Variants in LTBP1 observed in about 807,000 individuals in gnomAD.
LTBP1 encodes the protein latent transforming growth factor beta binding protein 1, also known as latent-transforming growth factor beta-binding protein 1.
A neutral mutation model predicts 207.6 loss-of-function variants in LTBP1; 129 were observed. The ratio of observed to expected loss-of-function variants is 0.62; its 90% CI spans 0.54 to 0.72. The LOEUF is 0.72. Among genes scored for constraint, LTBP1 ranks in the 30% least tolerant of loss-of-function variants. The pLI is 0.00. For synonymous variants in LTBP1, 963 were observed against 833.7 expected (o/e 1.16, Z -2.67); for missense variants, 2,281 against 2,217.2 (o/e 1.03, Z -0.58).
chr2:33,338,158 G>A (rs2094574419), intron 24 of LTBP1, among the ~76,000 whole-genome samples: 1 of 152,294 alleles, frequency 6.6e-6, no homozygotes, highest in South Asian at 2.1e-4. Context: ...TTGCTGAAGA[G>A]CTAGTTTCCA....
chr2:33,133,191 C>T (rs988676971), intron 4 of LTBP1, among the ~76,000 whole-genome samples: 7 of 152,188 alleles, frequency 4.6e-5, no homozygotes, highest in Non-Finnish European at 4.4e-5. Context: ...TTCTTTGTTT[C>T]CAAGCTCAGC....
At chr2:33,320,321 G>A (rs114746168) in intron 24 of LTBP1, among the ~76,000 whole-genome samples, 9,036 of 150,582 alleles carry the variant, frequency 0.06, 878 homozygotes, top group African/African-American at 0.21. Context: ...GTGAGCCAAG[G>A]TCACACCACT....
chr2:33,032,080 T>G (rs35886155), intron 3 of LTBP1, among the ~76,000 whole-genome samples: 3 of 152,096 alleles, frequency 2.0e-5, no homozygotes, highest in Non-Finnish European at 4.4e-5. Context: ...AATAATTCCT[T>G]TGGATTCGGG....
At chr2:33,050,915 G>T (rs1485917720) in intron 3 of LTBP1, among the ~76,000 whole-genome samples, 2 of 151,984 alleles carry the variant, frequency 1.3e-5, no homozygotes, top group Non-Finnish European at 2.9e-5. Flanking sequence ...TATATTTTTA[G>T]TAGAGACAGG....
chr2:33,304,096 T>C (rs2094044063), intron 22 of LTBP1, among the ~76,000 whole-genome samples: 1 of 152,212 alleles, frequency 6.6e-6, no homozygotes, highest in African/African-American at 2.4e-5. Flanking sequence ...AAACAAAAGC[T>C]TTTAGCAAAC....
At chr2:33,140,738 G>A (rs1410438748) in intron 5 of LTBP1, among the ~76,000 whole-genome samples, 1 of 149,780 alleles carries the variant, frequency 6.7e-6, no homozygotes, top group African/African-American at 2.5e-5. Context: ...CGCCATCTCA[G>A]CTCACTGCAA....
chr2:33,040,621 G>A (rs779108360), intron 3 of LTBP1, among the ~76,000 whole-genome samples: 26 of 152,048 alleles, frequency 1.7e-4, no homozygotes, highest in Non-Finnish European at 3.2e-4. Flanking sequence ...CCCTCTTCCT[G>A]CTCCTTTTCT....
At chr2:33,374,351 C>A (rs1384139379) in intron 31 of LTBP1, among the ~76,000 whole-genome samples, 1 of 152,118 alleles carries the variant, frequency 6.6e-6, no homozygotes, top group Non-Finnish European at 1.5e-5. Flanking sequence ...CCTCCTTTAT[C>A]CAAAGTTGAG....
At chr2:33,373,336 A>G (rs2095093875) in intron 31 of LTBP1, among the ~76,000 whole-genome samples, 2 of 152,208 alleles carry the variant, frequency 1.3e-5, no homozygotes. Context: ...CAGTGTTGCT[A>G]AGAGAGCAGT....
intron 5 of LTBP1, among the ~76,000 whole-genome samples, chr2:33,159,792 T>C (rs1225964254): frequency 6.6e-6 from 1 of 152,254 alleles, no homozygotes; most frequent in East Asian, 1.9e-4. Flanking sequence ...TTAGCCATTG[T>C]CACATGCTAT....
At chr2:33,269,387 A>G (rs1231501853) in intron 15 of LTBP1, among the ~76,000 whole-genome samples, 2 of 152,180 alleles carry the variant, frequency 1.3e-5, no homozygotes, top group African/African-American at 2.4e-5. Context: ...CCTGGTGAAG[A>G]TGAGGTTTTC....
chr2:33,228,623 A>C (rs560303482), intron 9 of LTBP1, among the ~76,000 whole-genome samples: 1 of 151,832 alleles, frequency 6.6e-6, no homozygotes, highest in Admixed American at 6.6e-5. Context: ...TCAATTAGAC[A>C]TTGAGACACA....
At position 33,257,301 on chromosome 2, in the gene LTBP1, T is replaced by C. The variant is rs774820272; in HGVS notation, c.2185T>C (p.Cys729Arg). 1 of 1,613,146 alleles carries C rather than the reference T, an allele frequency of 6.2e-7. No individual in the cohort carries two copies. The highest frequency in any genetic ancestry group is 8.5e-7 in the Non-Finnish European group (1 of 1,179,072). ...LPGTAAFKEI[C>R]PGGMGYTVSG... ...AAATCTAGCTGCTTTTAAGGAAATC[T>C]GTCCTGGTGGAATGGGTTATACGGT... The change falls in exon 12 of 34, where the codon TGT becomes CGT. Residue 729 changes from cysteine (C) to arginine (R), a missense_variant. Around this residue, in one of 3 missense-constraint regions of LTBP1, gnomAD observed 1,671 missense variants for 1,634.8 expected, o/e 1.02. Transcript: ENST00000404816.
At chr2:32,980,332 A>G (rs1057294076) in intron 2 of LTBP1, among the ~76,000 whole-genome samples, 2 of 151,724 alleles carry the variant, frequency 1.3e-5, no homozygotes, top group Non-Finnish European at 2.9e-5. Flanking sequence ...ATGTTTTTAG[A>G]TTTGAGGTAA....
chr2:33,032,268 T>A (rs921105586), intron 3 of LTBP1, among the ~76,000 whole-genome samples: 3 of 152,238 alleles, frequency 2.0e-5, no homozygotes, highest in Admixed American at 1.3e-4. Flanking sequence ...AAAACCAGAT[T>A]TGATTTCCTT....
At chr2:33,121,385 G>A (rs955228200) in intron 4 of LTBP1, among the ~76,000 whole-genome samples, 4 of 152,034 alleles carry the variant, frequency 2.6e-5, no homozygotes, top group African/African-American at 9.7e-5. Flanking sequence ...AAGCTTTGGC[G>A]AGAGAAAGAA....
intron 15 of LTBP1, among the ~76,000 whole-genome samples, chr2:33,264,370 A>G (rs991927765): frequency 1.3e-5 from 2 of 152,110 alleles, no homozygotes; most frequent in Admixed American, 6.6e-5. Context: ...ACCAGTTAAT[A>G]CTGGATCATG....
intron 11 of LTBP1, among the ~76,000 whole-genome samples, chr2:33,256,762 A>ATATATATATATC (rs2092870454): frequency 1.3e-5 from 1 of 74,552 alleles, no homozygotes; most frequent in Admixed American, 1.6e-4. Context: ...ATATATATAT[A>ATATATATATATC]TATATATATA....
At chr2:33,007,715 C>T (rs895983300) in intron 2 of LTBP1, among the ~76,000 whole-genome samples, 5 of 152,138 alleles carry the variant, frequency 3.3e-5, no homozygotes, top group African/African-American at 1.2e-4. Flanking sequence ...TCAAGAGCTT[C>T]TTTGAAGGTT....
Sources: allele counts gnomAD v4.1 joint callset (sites outside exome capture counted in the v4.1 genomes callset), GRCh38; gene constraint gnomAD v4.1.1; regional missense constraint gnomAD v4.1.1; transcripts MANE v1.5; gene names NCBI Gene and HGNC (gene_info 2026-07-23, HGNC 2026-07-21).